The following ZNF777 variants were observed in gnomAD, a reference collection of about 807,000 sequenced individuals.
ZNF777 encodes the protein zinc finger protein 777.
ZNF777 carries 7 observed loss-of-function variants against 72.1 expected under a neutral mutation model. That is an observed-to-expected ratio of 0.10 (90% CI 0.06 to 0.18). The LOEUF is 0.18. ZNF777 is among the 10% of genes least tolerant of loss of function. ZNF777 has a pLI of 1.00. For synonymous variants in ZNF777, 545 were observed against 483.5 expected (o/e 1.13, Z -1.67); for missense variants, 828 against 1,128.6 (o/e 0.73, Z 3.82).
rs576004743 is a variant in ZNF777 at position 149,452,208 on chromosome 7, T to C, written c.974-1096A>G. Among the ~76,000 whole-genome samples, 4 of 151,328 alleles carry C rather than the reference T, an allele frequency of 2.6e-5. No homozygotes were observed. In the East Asian group the frequency reaches 7.9e-4, roughly 30 times the overall value. On this transcript the variant is annotated intron_variant, in intron 3 of 5. Coordinates refer to ENST00000247930, the MANE Select transcript of ZNF777 (RefSeq NM_015694.3). ...TGAACCCGGGAGGCGGAGCGTGCAG[T>C]GAGCCGAGATCGCGCCACTGCACTC...
intron 1 of ZNF777, among the ~76,000 whole-genome samples, chr7:149,458,362 C>T (rs1799872984): frequency 6.6e-6 from 1 of 152,110 alleles, no homozygotes; most frequent in Non-Finnish European, 1.5e-5. Flanking sequence ...GACTGCCTAA[C>T]GCAACACAAT....
rs767722584 is a variant in ZNF777, at chr7:149,456,008, G to A, written c.15C>T (p.Arg5=). The A allele has an allele frequency of 3.2e-6, 5 of 1,582,154 alleles. No homozygotes were observed. In the African/African-American group the frequency reaches 6.8e-5, roughly 22 times the overall value. ...CACTGGGGAACGACAGAGGTGATGAGCGTTGGTTCTCCATGTCCAGCTGCT... is the reference window on the plus strand; with the variant it reads ...CACTGGGGAACGACAGAGGTGATGAACGTTGGTTCTCCATGTCCAGCTGCT... MENQ[R]SSPLSFPSVP... The change falls in exon 2 of 6, where the codon CGC becomes CGT. Residue 5 remains arginine (R), a synonymous_variant. Transcript: ENST00000247930.
rs565924991 is a variant in ZNF777 at position 149,432,714 on chromosome 7, C to T, written c.1558G>A (p.Val520Met). Residue 520 changes from valine to methionine, a missense_variant, in exon 6 of 6, where the codon GTG becomes ATG. Transcript: ENST00000247930. Reference protein sequence around the residue: ...NPAVKRLAPSVHGERHLSENR... With the variant: ...NPAVKRLAPSMHGERHLSENR... ...TCGCTCAGGTGCCGCTCACCGTGCA[C>T]GGAGGGCGCCAGCCTTTTCACTGCG... 2.9e-5 allele frequency: 46 copies of T among 1,612,086 alleles called. No homozygotes were observed. The highest frequency in any genetic ancestry group is 1.5e-4 in the Admixed American group (9 of 59,912).
chr7:149,458,814 G>A (rs1208332912), intron 1 of ZNF777, among the ~76,000 whole-genome samples: 3 of 152,234 alleles, frequency 2.0e-5, no homozygotes, highest in Non-Finnish European at 2.9e-5. Flanking sequence ...GGAGGGAGCT[G>A]TAAATATACC....
At chr7:149,457,907 G>C (rs948627109) in intron 1 of ZNF777, among the ~76,000 whole-genome samples, 15 of 152,208 alleles carry the variant, frequency 9.9e-5, no homozygotes, top group African/African-American at 2.9e-4. Flanking sequence ...TAAGCAACTT[G>C]CCCCAGGTCA....
rs576131207 is a variant in ZNF777, at chr7:149,433,016, C to T, written c.1340-84G>A. 13 of 1,432,238 alleles carry T rather than the reference C, an allele frequency of 9.1e-6. No individual in the cohort carries two copies. The South Asian group carries it at 1.7e-4, about 19-fold the overall frequency. 88.7% of individuals were successfully genotyped at this position (1,432,238 alleles called of 1,614,324 possible). On this transcript the variant is annotated intron_variant, in intron 5 of 5. Transcript: ENST00000247930. ...TGGATGGAGGTACAGCACTGCTTCA[C>T]CCTCACCAAAACATTGCATTATTGG...
rs1176225974 is a variant in ZNF777 at position 149,436,555 on chromosome 7, C to T, written c.1339+20G>A. On this transcript the variant is annotated intron_variant, in intron 5 of 5. Coordinates refer to ENST00000247930, the MANE Select transcript of ZNF777 (RefSeq NM_015694.3). The surrounding 1 kb of genome is among the most constrained non-coding windows in gnomAD (Gnocchi z 5.0). ...GGCCTCATGGCAACCCTTCCCCGGC[C>T]GTCCCCGCCCAGCACTCACCCGTGC... is the stretch of plus-strand genomic sequence containing the variant. The T allele has an allele frequency of 8.9e-6, 14 of 1,571,708 alleles. No homozygotes were observed. The highest frequency in any genetic ancestry group is 6.8e-5 in the East Asian group (3 of 44,014).
Position 149,432,109 on chromosome 7 carries a change from G to A in ZNF777, c.2163C>T (p.Pro721=), listed in dbSNP as rs199650782. 4.4e-6 allele frequency: 7 copies of A among 1,605,698 alleles called. No individual in the cohort carries two copies. The East Asian group carries it at 8.9e-5, about 20-fold the overall frequency. ...RHQRTHTGER[P]FKCPECEKSF... ...TCTTCTCGCACTCGGGGCACTTGAA[G>A]GGCCGCTCGCCTGTGTGAGTCCGCT... Residue 721 remains proline (P), a synonymous_variant, in exon 6 of 6, where the codon CCC becomes CCT. Coordinates refer to ENST00000247930, the MANE Select transcript of ZNF777 (RefSeq NM_015694.3).
Position 149,444,367 on chromosome 7 carries a change from G to A in ZNF777, c.1087+6632C>T, listed in dbSNP as rs575801409. On this transcript the variant is annotated intron_variant, in intron 4 of 5. Coordinates refer to ENST00000247930, the MANE Select transcript of ZNF777 (RefSeq NM_015694.3). ...CCTTTCCAAACATTCAAATATATTG[G>A]GTATTTATCCATTTCATCTACTTGA... 2.0e-5 allele frequency among the ~76,000 whole-genome samples: 3 copies of A among 152,184 alleles called. No individual in the cohort carries two copies. In the East Asian group the frequency reaches 5.8e-4, roughly 29 times the overall value.
chr7:149,437,332 C>T (rs2116573819), intron 4 of ZNF777, among the ~76,000 whole-genome samples: 1 of 152,200 alleles, frequency 6.6e-6, no homozygotes, highest in Non-Finnish European at 1.5e-5. Context: ...ACCAGCCAAC[C>T]GGTACAGTTA....
intron 5 of ZNF777, 66 bp from the exon 6 acceptor site, chr7:149,432,998 A>G (rs1799349065): frequency 6.9e-7 from 1 of 1,445,644 alleles, no homozygotes. Context: ...ACCTGGATGG[A>G]GGTACAGCAC....
chr7:149,432,714 C>G lies in ZNF777; in HGVS notation c.1558G>C (p.Val520Leu). 2 of 1,612,086 alleles carry G rather than the reference C, an allele frequency of 1.2e-6. No individual in the cohort carries two copies. The highest frequency in any genetic ancestry group is 2.2e-5 in the South Asian group (2 of 90,978). The change falls in exon 6 of 6, where the codon GTG becomes CTG. Residue 520 changes from valine (V) to leucine (L), a missense_variant. This residue lies in a region of ZNF777 where 219 missense variants were observed against 223.0 expected (regional missense o/e 0.98). Transcript: ENST00000247930. ...NPAVKRLAPS[V>L]HGERHLSENR... ...TCGCTCAGGTGCCGCTCACCGTGCA[C>G]GGAGGGCGCCAGCCTTTTCACTGCG...
chr7:149,433,345 C>CA (rs1799357995), intron 5 of ZNF777, among the ~76,000 whole-genome samples: 1 of 152,308 alleles, frequency 6.6e-6, no homozygotes, highest in Admixed American at 6.5e-5. Context: ...CTGGAATACT[C>CA]ACGATTCTCT....
At position 149,431,723 on chromosome 7, in the gene ZNF777, G is replaced by T; in HGVS notation, c.*53C>A. The T allele has an allele frequency of 7.9e-7, 1 of 1,261,352 alleles. No individual in the cohort carries two copies. Among genetic ancestry groups the T allele is most frequent in the Non-Finnish European group, 1.0e-6 (1 of 1,001,746 alleles). The allele number at this position is 1,261,352 out of a possible 1,614,324, so 78.1% of individuals were successfully genotyped here. A position where few individuals can be genotyped will look rare whatever the true frequency, so the allele number is the denominator to read the frequency against. Reference sequence around the variant, plus strand: ...GCTGGGCTCGGGCCTGGCGGTGTCCGAGGGGGGGCACGGCCCGCGCACCTG... The same window carrying T: ...GCTGGGCTCGGGCCTGGCGGTGTCCTAGGGGGGGCACGGCCCGCGCACCTG... On this transcript the variant is annotated 3_prime_UTR_variant, in exon 6 of 6. Transcript: ENST00000247930.
chr7:149,443,062 A>G (rs1799551167), intron 4 of ZNF777, among the ~76,000 whole-genome samples: 1 of 152,222 alleles, frequency 6.6e-6, no homozygotes, highest in Non-Finnish European at 1.5e-5. Flanking sequence ...CCATTTCTAA[A>G]TAAATTCCAG....
rs200379456 is a variant in ZNF777, at chr7:149,455,170, T to G, written c.846+7A>C. On this transcript the variant is annotated splice_region_variant and intron_variant, in intron 2 of 5. Coordinates refer to ENST00000247930, the MANE Select transcript of ZNF777 (RefSeq NM_015694.3). The surrounding 1 kb of genome is among the most constrained non-coding windows in gnomAD (Gnocchi z 4.2). ...TCCTTGGGAAGCCCCAGTTGGGATG[T>G]GCTTACCTTGGGAACTTCTCCATTG... The G allele has an allele frequency of 4.4e-6, 7 of 1,607,738 alleles. No individual in the cohort carries two copies. In the East Asian group the frequency reaches 1.6e-4, roughly 36 times the overall value.
intron 4 of ZNF777, among the ~76,000 whole-genome samples, chr7:149,446,712 C>A (rs539649001): frequency 6.6e-6 from 1 of 152,066 alleles, no homozygotes; most frequent in South Asian, 2.1e-4. Context: ...CAAGAATCCC[C>A]CCAACTGTCC....
intron 2 of ZNF777, 22 bp from the exon 3 acceptor site, chr7:149,454,259 G>A: frequency 6.2e-7 from 1 of 1,613,284 alleles, no homozygotes; most frequent in Non-Finnish European, 8.5e-7. Context: ...CAATAACTCG[G>A]CTCAGACCCG....
intron 3 of ZNF777, among the ~76,000 whole-genome samples, chr7:149,452,619 C>A (rs1400312763): frequency 7.2e-5 from 10 of 138,356 alleles, no homozygotes; most frequent in Non-Finnish European, 1.1e-4. Context: ...GGCAACAGAG[C>A]GAGACTCTGT....
Sources: allele counts gnomAD v4.1 joint callset (sites outside exome capture counted in the v4.1 genomes callset), GRCh38; gene constraint gnomAD v4.1.1; regional missense constraint gnomAD v4.1.1; non-coding constraint Gnocchi (gnomAD v3.1); transcripts MANE v1.5; gene names NCBI Gene and HGNC (gene_info 2026-07-23, HGNC 2026-07-21).